PRIMA1: variants seen among roughly 807,000 people sequenced by gnomAD.
PRIMA1 encodes proline-rich membrane anchor 1.
A neutral mutation model predicts 17.5 loss-of-function variants in PRIMA1; 7 were observed. That is an observed-to-expected ratio of 0.40 (90% CI 0.23 to 0.75). The LOEUF (loss-of-function observed/expected upper bound fraction) is 0.75. Among genes scored for constraint, PRIMA1 ranks in the 30% least tolerant of loss-of-function variants. The pLI is 0.37. For missense variants in PRIMA1, 200 were observed against 201.8 expected (o/e 0.99, Z 0.05); for synonymous variants, 97 against 77.9 (o/e 1.25, Z -1.29).
intron 3 of PRIMA1, among the ~76,000 whole-genome samples, chr14:93,773,755 GC>G (rs1384544711): frequency 3.9e-5 from 6 of 152,150 alleles, no homozygotes; most frequent in Non-Finnish European, 7.4e-5. Flanking sequence ...AGGCCAAGCT[GC>G]CCTCTCCAGC....
chr14:93,782,079 A>G (rs190219950), intron 2 of PRIMA1, among the ~76,000 whole-genome samples: 36 of 152,286 alleles, frequency 2.4e-4, no homozygotes, highest in Admixed American at 2.0e-3. Flanking sequence ...CATCCTGGCT[A>G]ACAGAGTGAA....
At chr14:93,784,251 C>T (rs1345591236) in intron 2 of PRIMA1, among the ~76,000 whole-genome samples, 2 of 152,216 alleles carry the variant, frequency 1.3e-5, no homozygotes, top group East Asian at 3.8e-4. Flanking sequence ...TTTGCTAAAG[C>T]TGGCCACCCT....
At chr14:93,771,503 G>A (rs1885068664) in intron 3 of PRIMA1, among the ~76,000 whole-genome samples, 1 of 152,164 alleles carries the variant, frequency 6.6e-6, no homozygotes, top group South Asian at 2.1e-4. Flanking sequence ...AGACATGGGA[G>A]AGGAAGCCTT....
chr14:93,730,636 C>T (rs978671752), intron 4 of PRIMA1, among the ~76,000 whole-genome samples: 1 of 152,234 alleles, frequency 6.6e-6, no homozygotes, highest in Admixed American at 6.5e-5. Context: ...CTCATTTCCA[C>T]CCCTCCCTGG....
rs558933517 is a variant in PRIMA1, at chr14:93,777,440, A to G, written c.229+1736T>C. On this transcript the variant is annotated intron_variant, in intron 3 of 4. Transcript: ENST00000393140. The stretch of plus-strand genomic sequence containing the variant: ...CAACCTCCGCCTCCCGGGTTCAAGC[A>G]ATTCTCCTGCCTCAGCCTCCGGAGC... Among the ~76,000 whole-genome samples the G allele has an allele frequency of 8.1e-4, 124 of 152,174 alleles. 1 individual carries two copies. Among genetic ancestry groups the G allele is most frequent in the Admixed American group, 3.3e-3 (51 of 15,286 alleles).
chr14:93,781,911 T>C (rs1885386605), intron 2 of PRIMA1, among the ~76,000 whole-genome samples: 1 of 152,108 alleles, frequency 6.6e-6, no homozygotes, highest in East Asian at 1.9e-4. Context: ...AGGTCAAGGC[T>C]GCAGAGAGCC....
At chr14:93,723,433 A>C (rs2076055451) in intron 4 of PRIMA1, among the ~76,000 whole-genome samples, 1 of 152,122 alleles carries the variant, frequency 6.6e-6, no homozygotes, top group Non-Finnish European at 1.5e-5. Flanking sequence ...AGTTCAGAGG[A>C]GGCAGGGTCT....
intron 3 of PRIMA1, among the ~76,000 whole-genome samples, chr14:93,740,308 T>G (rs1016173945): frequency 6.6e-6 from 1 of 152,210 alleles, no homozygotes; most frequent in African/African-American, 2.4e-5. Context: ...TGGTGAAATA[T>G]CAAACAAAAA....
rs571634785 is a variant in PRIMA1 at position 93,778,177 on chromosome 14, G to A, written c.229+999C>T. Among the ~76,000 whole-genome samples, 28 of 152,352 alleles carry A rather than the reference G, an allele frequency of 1.8e-4. 1 individual carries two copies. The South Asian group carries it at 5.8e-3, about 32-fold the overall frequency. ...GTCTCACCCCAAAAACTCTGGCTCA[G>A]TGGGTTTGAAGTGGGCCCAAGAAGA... On this transcript the variant is annotated intron_variant, in intron 3 of 4. Transcript: ENST00000393140.
rs185275854 is a variant in PRIMA1, at chr14:93,728,604, A to G, written c.360-7058T>C. 6.8e-4 allele frequency among the ~76,000 whole-genome samples: 103 copies of G among 152,156 alleles called. 1 individual carries two copies. The highest frequency in any genetic ancestry group is 1.3e-3 in the Non-Finnish European group (88 of 67,990). Reference sequence around the variant, plus strand: ...GAAGACTTCTTAAATGGGGGTTCCCATTTACCCTCACCCTGCCCCATGACC... The same window carrying G: ...GAAGACTTCTTAAATGGGGGTTCCCGTTTACCCTCACCCTGCCCCATGACC... On this transcript the variant is annotated intron_variant, in intron 4 of 4. Transcript: ENST00000393140.
chr14:93,740,292 CT>C (rs1007247487), intron 3 of PRIMA1, among the ~76,000 whole-genome samples: 1 of 152,178 alleles, frequency 6.6e-6, no homozygotes, highest in African/African-American at 2.4e-5. Flanking sequence ...TTGTTCAAGG[CT>C]TTCTTGGTGA....
At chr14:93,748,021 TG>T (rs1258486145) in intron 3 of PRIMA1, among the ~76,000 whole-genome samples, 29 of 139,408 alleles carry the variant, frequency 2.1e-4, no homozygotes, top group East Asian at 2.0e-4. Context: ...TGTGTGAGAG[TG>T]GGGGACTGTG....
intron 3 of PRIMA1, among the ~76,000 whole-genome samples, chr14:93,747,667 TGA>T (rs1214810705): frequency 7.6e-5 from 11 of 144,768 alleles, no homozygotes; most frequent in African/African-American, 7.8e-5. Context: ...TGTGTGAGAG[TGA>T]GTGTGTGACA....
At chr14:93,747,961 G>A (rs535442658) in intron 3 of PRIMA1, among the ~76,000 whole-genome samples, 1 of 150,282 alleles carries the variant, frequency 6.7e-6, no homozygotes, top group Non-Finnish European at 1.5e-5. Flanking sequence ...GAGTGTGTGT[G>A]TATAAGTGTG....
chr14:93,764,968 G>GT (rs1313611607), intron 3 of PRIMA1, among the ~76,000 whole-genome samples: 1 of 152,202 alleles, frequency 6.6e-6, no homozygotes, highest in Non-Finnish European at 1.5e-5. Flanking sequence ...TCTCAGGCAT[G>GT]TATGCACCAT....
chr14:93,763,469 G>A (rs1884794939), intron 3 of PRIMA1, among the ~76,000 whole-genome samples: 1 of 152,172 alleles, frequency 6.6e-6, no homozygotes, highest in Non-Finnish European at 1.5e-5. Flanking sequence ...CCTCCCTGAA[G>A]CCTCCCTGGA....
At chr14:93,774,984 A>G (rs573761333) in intron 3 of PRIMA1, among the ~76,000 whole-genome samples, 5 of 152,250 alleles carry the variant, frequency 3.3e-5, no homozygotes, top group Non-Finnish European at 5.9e-5. Context: ...GGCTAAAGAA[A>G]GGCTCATGGA....
intron 2 of PRIMA1, among the ~76,000 whole-genome samples, chr14:93,780,726 T>C (rs1339725727): frequency 2.6e-5 from 4 of 152,226 alleles, no homozygotes; most frequent in Non-Finnish European, 5.9e-5. Flanking sequence ...AGAGCCAGCA[T>C]GGGAACTGGG....
At chr14:93,730,710 C>T (rs2076108606) in intron 4 of PRIMA1, among the ~76,000 whole-genome samples, 1 of 152,228 alleles carries the variant, frequency 6.6e-6, no homozygotes, top group Non-Finnish European at 1.5e-5. Context: ...AAGAACTAAC[C>T]TTTCTCTGGG....
Sources: allele counts gnomAD v4.1 joint callset (sites outside exome capture counted in the v4.1 genomes callset), GRCh38; gene constraint gnomAD v4.1.1; transcripts MANE v1.5; gene names NCBI Gene and HGNC (gene_info 2026-07-23, HGNC 2026-07-21).